The following BRD10 variants were observed in gnomAD, a reference collection of about 807,000 sequenced individuals.
BRD10 encodes the protein bromodomain containing 10.
the BRD10 span, among the ~76,000 whole-genome samples, chr9:5,951,035 T>TACACACACAC: frequency 1.9e-4 from 27 of 141,760 alleles, no homozygotes; most frequent in Non-Finnish European, 2.3e-4. Flanking sequence ...GGGCTGACTG[T>TACACACACAC]ACACACACAC....
At chr9:5,897,528 A>G in the BRD10 span, 3 of 1,589,234 alleles carry the variant, frequency 1.9e-6, no homozygotes, top group East Asian at 6.7e-5. Flanking sequence ...TTTCAATGAC[A>G]AAGTGGATTT....
the BRD10 span, chr9:5,968,682 C>G: frequency 1.9e-6 from 3 of 1,613,872 alleles, no homozygotes; most frequent in South Asian, 3.3e-5. Context: ...CTTGTACTAA[C>G]ATAGTCACAC....
At chr9:5,947,971 C>G in the BRD10 span, among the ~76,000 whole-genome samples, 1 of 152,120 alleles carries the variant, frequency 6.6e-6, no homozygotes, top group Non-Finnish European at 1.5e-5. Context: ...GCTCAGATTA[C>G]AGTCAGGTCA....
chr9:5,995,702 T>G, the BRD10 span, among the ~76,000 whole-genome samples: 1 of 152,196 alleles, frequency 6.6e-6, no homozygotes, highest in East Asian at 1.9e-4. Context: ...CACCCTTTGT[T>G]AAGAACTTGA....
At chr9:5,911,522 TTTTTC>T in the BRD10 span, among the ~76,000 whole-genome samples, 314 of 151,258 alleles carry the variant, frequency 2.1e-3, 3 homozygotes, top group East Asian at 7.7e-3. Context: ...GCTTAGGTCC[TTTTTC>T]TTTTCTTTTC....
the BRD10 span, among the ~76,000 whole-genome samples, chr9:5,940,107 C>A: frequency 7.0e-6 from 1 of 143,404 alleles, no homozygotes; most frequent in Admixed American, 7.1e-5. Flanking sequence ...TAATTTTATC[C>A]ATTACTTGAA....
At chr9:5,917,926 A>T in the BRD10 span, among the ~76,000 whole-genome samples, 1 of 152,232 alleles carries the variant, frequency 6.6e-6, no homozygotes, top group Admixed American at 6.5e-5. Flanking sequence ...GTAATTCAGT[A>T]AATTAGTTTC....
the BRD10 span, among the ~76,000 whole-genome samples, chr9:6,000,421 A>G: frequency 6.6e-6 from 1 of 152,166 alleles, no homozygotes; most frequent in Non-Finnish European, 1.5e-5. Flanking sequence ...TCTTACAGAG[A>G]CAGCCTAAAG....
At chr9:5,982,484 A>T in the BRD10 span, among the ~76,000 whole-genome samples, 1 of 152,170 alleles carries the variant, frequency 6.6e-6, no homozygotes, top group Non-Finnish European at 1.5e-5. Context: ...AAATGAGTGG[A>T]TTAATGAGGT....
chr9:5,982,055 G>GTGTATA, the BRD10 span, among the ~76,000 whole-genome samples: 1 of 150,988 alleles, frequency 6.6e-6, no homozygotes, highest in Non-Finnish European at 1.5e-5. Context: ...GTATGTGTGT[G>GTGTATA]TATATATATA....
chr9:5,974,259 A>G, the BRD10 span, among the ~76,000 whole-genome samples: 1 of 152,334 alleles, frequency 6.6e-6, no homozygotes, highest in South Asian at 2.1e-4. Flanking sequence ...ATAACTGTCA[A>G]ACTAGAACTG....
At chr9:5,964,041 C>T in the BRD10 span, among the ~76,000 whole-genome samples, 228 of 152,250 alleles carry the variant, frequency 1.5e-3, no homozygotes, top group African/African-American at 5.4e-3. Flanking sequence ...CAACAAAAGC[C>T]ACAATTGACA....
the BRD10 span, among the ~76,000 whole-genome samples, chr9:5,960,992 A>T: frequency 2.6e-5 from 4 of 151,912 alleles, no homozygotes; most frequent in African/African-American, 9.7e-5. Flanking sequence ...TCAAAAATAC[A>T]TAGTCTTTGA....
chr9:5,907,074 T>A, the BRD10 span: 2 of 1,026,208 alleles, frequency 1.9e-6, no homozygotes, highest in East Asian at 2.8e-5. Flanking sequence ...TATTTCCATT[T>A]AAAAAGCAAG....
chr9:5,942,522 A>T, the BRD10 span, among the ~76,000 whole-genome samples: 1 of 152,246 alleles, frequency 6.6e-6, no homozygotes, highest in Non-Finnish European at 1.5e-5. Flanking sequence ...TTTGTAAAAA[A>T]TAAGGAACAA....
the BRD10 span, among the ~76,000 whole-genome samples, chr9:5,942,938 C>A: frequency 6.6e-6 from 1 of 152,154 alleles, no homozygotes; most frequent in East Asian, 1.9e-4. Flanking sequence ...AACGCAGTGG[C>A]ATGATCACAG....
At chr9:6,003,809 T>G in the BRD10 span, among the ~76,000 whole-genome samples, 3 of 152,108 alleles carry the variant, frequency 2.0e-5, no homozygotes, top group South Asian at 6.2e-4. Flanking sequence ...ATAGATTACA[T>G]GCATTGCTGC....
the BRD10 span, among the ~76,000 whole-genome samples, chr9:5,899,624 G>C: frequency 8.5e-5 from 13 of 152,172 alleles, no homozygotes; most frequent in African/African-American, 3.1e-4. Flanking sequence ...GTCCACAACA[G>C]GTTAGTAGGG....
chr9:5,980,082 A>C, the BRD10 span, among the ~76,000 whole-genome samples: 1 of 152,150 alleles, frequency 6.6e-6, no homozygotes, highest in East Asian at 1.9e-4. Context: ...TGTTTAATAA[A>C]CAAGGTATAC....
Sources: allele counts gnomAD v4.1 joint callset (sites outside exome capture counted in the v4.1 genomes callset), GRCh38; gene constraint gnomAD v4.1.1; transcripts MANE v1.5; gene names NCBI Gene and HGNC (gene_info 2026-07-23, HGNC 2026-07-21).